The following SEMA4D variants were observed in gnomAD, a reference collection of about 807,000 sequenced individuals.
SEMA4D encodes the protein semaphorin-4D.
Under a neutral mutation model 74.8 loss-of-function variants are expected in SEMA4D, and 22 were observed. The ratio of observed to expected loss-of-function variants is 0.29; its 90% CI spans 0.21 to 0.42. SEMA4D has a LOEUF of 0.42. Among genes scored for constraint, SEMA4D ranks in the 10% least tolerant of loss-of-function variants. The pLI is 1.00. For synonymous variants in SEMA4D, 445 were observed against 463.7 expected, an observed-to-expected ratio of 0.96 and a Z score of 0.52; for missense variants, 937 against 1,118.4, an observed-to-expected ratio of 0.84 and a Z score of 2.31.
intron 1 of SEMA4D, among the ~76,000 whole-genome samples, chr9:89,464,841 C>T (rs571051975): frequency 2.6e-5 from 4 of 151,836 alleles, no homozygotes; most frequent in Non-Finnish European, 2.9e-5. Context: ...GGGGAGGGTG[C>T]GGAGAGCACC....
chr9:89,423,464 A>C (rs1324629111), intron 2 of SEMA4D, among the ~76,000 whole-genome samples: 2 of 152,178 alleles, frequency 1.3e-5, no homozygotes, highest in African/African-American at 4.8e-5. Flanking sequence ...TGCTGGGATT[A>C]TAGGCATGAG....
chr9:89,437,876 C>CA (rs1292901868), intron 2 of SEMA4D, among the ~76,000 whole-genome samples: 6 of 152,182 alleles, frequency 3.9e-5, no homozygotes, highest in African/African-American at 1.4e-4. Context: ...ACCCAGATAC[C>CA]AAGTCTAAAA....
In SEMA4D at chr9:89,461,700, C is replaced by CTTTTT. The variant is rs61696689; in HGVS notation, c.-309-5752_-309-5748dup. On this transcript the variant is annotated intron_variant, in intron 1 of 15. Coordinates refer to ENST00000422704, the MANE Select transcript of SEMA4D (RefSeq NM_001371194.2). ...GGGCCAATGTGTATTTCTTTTTTCT[C>CTTTTT]TTTTTTTTTTTTTTTTTTTGGAGAC... Among the ~76,000 whole-genome samples, 370 of 103,556 alleles carry CTTTTT rather than the reference C, an allele frequency of 3.6e-3. 4 individuals are homozygous for CTTTTT. The highest frequency in any genetic ancestry group is 5.4e-3 in the Non-Finnish European group (283 of 52,152). 67.9% of individuals were successfully genotyped at this position (103,556 alleles called of 152,430 possible).
downstream of SEMA4D, chr9:89,376,751 G>A (rs1021051828): frequency 4.0e-6 from 6 of 1,488,998 alleles, no homozygotes; most frequent in Middle Eastern, 2.0e-4. Context: ...GTGGAGGGAT[G>A]TGGAGGATGC....
chr9:89,386,388 G>A lies in SEMA4D; in HGVS notation c.1425C>T (p.Thr475=), dbSNP rs150828049. The part of the protein sequence containing the change: ...QLFQDFEPVQ[T]LLLSSKKGNR... ...TTACCTTCTTTGAAGACAGCAGCAG[G>A]GTCTGGACTGGCTCAAAGTCCTGGA... The change falls in exon 13 of 16, where the codon ACC becomes ACT. Residue 475 remains threonine, a synonymous_variant. Transcript: ENST00000422704. The A allele has an allele frequency of 5.5e-5, 89 of 1,613,472 alleles. 1 individual carries two copies. In the Middle Eastern group the frequency reaches 2.6e-3, roughly 48 times the overall value.
chr9:89,485,688 T>A (rs553588712), intron 1 of SEMA4D, among the ~76,000 whole-genome samples: 2 of 148,196 alleles, frequency 1.3e-5, no homozygotes, highest in Admixed American at 6.9e-5. Flanking sequence ...CTTGGGAGGC[T>A]GAGGCAGGAG....
chr9:89,376,842 G>C, downstream of SEMA4D: 4 of 1,548,808 alleles, frequency 2.6e-6, no homozygotes, highest in Non-Finnish European at 3.5e-6. Context: ...CCTGTGGCCT[G>C]GCAGAAGAGG....
intron 16 of SEMA4D, chr9:89,367,974 A>G (rs3924808): frequency 0.21 from 31,678 of 152,216 alleles, 3,814 homozygotes; most frequent in East Asian, 0.39. Context: ...ATTACAAAAT[A>G]TGGAGCTGAT....
chr9:89,455,035 T>C (rs1269837478), intron 2 of SEMA4D, among the ~76,000 whole-genome samples: 1 of 152,082 alleles, frequency 6.6e-6, no homozygotes, highest in African/African-American at 2.4e-5. Flanking sequence ...ATCCCAACAG[T>C]TGGGAGGGGG....
intron 16 of SEMA4D, among the ~76,000 whole-genome samples, chr9:89,371,387 CTG>C (rs1327095046): frequency 2.6e-3 from 110 of 42,142 alleles, no homozygotes; most frequent in Non-Finnish European, 2.3e-3. Context: ...GCATGTGTGT[CTG>C]GGGTGTGGTG....
intron 15 of SEMA4D, among the ~76,000 whole-genome samples, chr9:89,380,632 C>T (rs1180789517): frequency 6.6e-6 from 1 of 152,218 alleles, no homozygotes; most frequent in African/African-American, 2.4e-5. Context: ...CCACCCCTCC[C>T]TCTGGGTGTG....
intron 2 of SEMA4D, among the ~76,000 whole-genome samples, chr9:89,409,210 G>A (rs1384390390): frequency 6.6e-6 from 1 of 152,220 alleles, no homozygotes; most frequent in Non-Finnish European, 1.5e-5. Flanking sequence ...CCAACTATAG[G>A]ACATTCTGGG....
intron 2 of SEMA4D, among the ~76,000 whole-genome samples, chr9:89,423,408 C>G (rs1368262239): frequency 6.6e-6 from 1 of 152,056 alleles, no homozygotes; most frequent in Non-Finnish European, 1.5e-5. Context: ...TCAGGCTGGT[C>G]TCAAACTCCC....
chr9:89,487,301 C>T (rs1825270945), intron 1 of SEMA4D, among the ~76,000 whole-genome samples: 1 of 151,942 alleles, frequency 6.6e-6, no homozygotes, highest in Non-Finnish European at 1.5e-5. Context: ...ATGATCATCT[C>T]AACAGATACA....
At chr9:89,474,499 A>G (rs1302249651) in intron 1 of SEMA4D, among the ~76,000 whole-genome samples, 6 of 152,252 alleles carry the variant, frequency 3.9e-5, no homozygotes, top group Admixed American at 3.9e-4. Flanking sequence ...CTGCGTTTAC[A>G]TGAGTTTTTC....
chr9:89,471,204 G>C (rs1002357571), intron 1 of SEMA4D, among the ~76,000 whole-genome samples: 3 of 152,314 alleles, frequency 2.0e-5, no homozygotes, highest in Non-Finnish European at 4.4e-5. Context: ...CGACAGAAAG[G>C]GGAATCAGGG....
At chr9:89,460,181 C>A (rs1856882828) in intron 1 of SEMA4D, among the ~76,000 whole-genome samples, 1 of 152,246 alleles carries the variant, frequency 6.6e-6, no homozygotes, top group African/African-American at 2.4e-5. Context: ...CGCTTCTGTC[C>A]TTCTCCAGGC....
chr9:89,428,351 G>A (rs1476727305), intron 2 of SEMA4D, among the ~76,000 whole-genome samples: 1 of 152,234 alleles, frequency 6.6e-6, no homozygotes, highest in African/African-American at 2.4e-5. Context: ...GCCCTGCAGG[G>A]GAACCTGAAC....
intron 15 of SEMA4D, 148 bp from the exon 16 acceptor site, chr9:89,379,777 C>A (rs372847508): frequency 1.2e-5 from 12 of 1,000,498 alleles, no homozygotes; most frequent in African/African-American, 6.5e-5. Context: ...TAAAGACATG[C>A]GTGACCAAAA....
Sources: allele counts gnomAD v4.1 joint callset (sites outside exome capture counted in the v4.1 genomes callset), GRCh38; gene constraint gnomAD v4.1.1; transcripts MANE v1.5; gene names NCBI Gene and HGNC (gene_info 2026-07-23, HGNC 2026-07-21).